The following SYNE1 variants were observed in gnomAD, a reference collection of about 807,000 sequenced individuals.
The protein encoded by SYNE1 is nesprin-1.
In SYNE1, 616 loss-of-function variants were observed where a neutral mutation model predicts 1,111.0. The ratio of observed to expected loss-of-function variants is 0.55; its 90% CI spans 0.52 to 0.59. SYNE1 has a LOEUF of 0.59. Ranked by LOEUF, SYNE1 falls within the 20% of genes least tolerant of loss-of-function variation. The probability of loss-of-function intolerance (pLI) is 0.00; values close to 1 mark genes in which losing one functional copy is unlikely to be tolerated. For missense variants in SYNE1, 10,006 were observed against 10,417.0 expected (o/e 0.96, Z 1.72); for synonymous variants, 3,855 against 3,825.8 (o/e 1.01, Z -0.28).
Position 152,283,965 on chromosome 6 carries a change from A to T in SYNE1, c.18207+13T>A. On this transcript the variant is annotated intron_variant, in intron 96 of 145. Coordinates refer to ENST00000367255, the MANE Select transcript of SYNE1 (RefSeq NM_182961.4). ...CTCAGAAGTGAGGAGGCCACTTTACAGTTATTGGTTACCTCCAAAAGCTGC... is the reference window on the plus strand; with the variant it reads ...CTCAGAAGTGAGGAGGCCACTTTACTGTTATTGGTTACCTCCAAAAGCTGC... The T allele has an allele frequency of 6.2e-7, 1 of 1,610,074 alleles. No individual in the cohort carries two copies. Among genetic ancestry groups the T allele is most frequent in the East Asian group, 2.2e-5 (1 of 44,868 alleles).
intron 75 of SYNE1, among the ~76,000 whole-genome samples, chr6:152,338,829 T>A (rs186822359): frequency 6.6e-6 from 1 of 152,204 alleles, no homozygotes; most frequent in East Asian, 1.9e-4. Context: ...TTGTGACAGA[T>A]GGCATGCTCT....
intron 128 of SYNE1, among the ~76,000 whole-genome samples, chr6:152,187,237 C>T (rs1271075317): frequency 1.3e-5 from 2 of 152,132 alleles, no homozygotes; most frequent in South Asian, 4.2e-4. Context: ...ATGTGTGCTC[C>T]AGAGTTTTCT....
intron 137 of SYNE1, chr6:152,145,442 T>C: frequency 1.9e-6 from 3 of 1,564,686 alleles, no homozygotes; most frequent in Non-Finnish European, 2.6e-6. Flanking sequence ...GGAGGATTGC[T>C]ATACAGGGGA....
At chr6:152,327,179 A>G (rs775480174) in intron 78 of SYNE1, among the ~76,000 whole-genome samples, 5 of 152,146 alleles carry the variant, frequency 3.3e-5, no homozygotes, top group Non-Finnish European at 7.4e-5. Flanking sequence ...TGTAACAGCT[A>G]CTTGGGAGGT....
intron 16 of SYNE1, among the ~76,000 whole-genome samples, chr6:152,468,276 T>C (rs1007164746): frequency 1.3e-5 from 2 of 152,196 alleles, no homozygotes; most frequent in African/African-American, 4.8e-5. Context: ...ATCAAGACTA[T>C]TTACATTAAA....
chr6:152,169,222 C>G (rs1452885855), intron 130 of SYNE1, among the ~76,000 whole-genome samples: 1 of 152,058 alleles, frequency 6.6e-6, no homozygotes, highest in Non-Finnish European at 1.5e-5. Flanking sequence ...TGGTTCTGGT[C>G]ATGTGAGTTG....
intron 3 of SYNE1, chr6:152,546,818 G>A (rs2128094283): frequency 6.6e-6 from 1 of 152,256 alleles, no homozygotes; most frequent in Non-Finnish European, 1.5e-5. Flanking sequence ...TTTGTAGAAA[G>A]AGGTCTTGTA....
intron 117 of SYNE1, 80 bp downstream of exon 117, chr6:152,224,414 G>A: frequency 1.6e-6 from 2 of 1,226,402 alleles, no homozygotes; most frequent in Non-Finnish European, 2.4e-6. Context: ...CAATATTTCA[G>A]GATGATGTCT....
At chr6:152,201,228 T>A (rs2075344437) in intron 127 of SYNE1, among the ~76,000 whole-genome samples, 1 of 152,210 alleles carries the variant, frequency 6.6e-6, no homozygotes. Context: ...CACTGAATTG[T>A]GTTGGTCTCG....
At chr6:152,486,552 G>T (rs2098941603) in intron 12 of SYNE1, among the ~76,000 whole-genome samples, 2 of 152,114 alleles carry the variant, frequency 1.3e-5, no homozygotes, top group Non-Finnish European at 2.9e-5. Context: ...TTGATAATTG[G>T]TGCCAAACCT....
chr6:152,484,058 A>AAAAAAAAAAAAAAAAAAAAC, intron 13 of SYNE1, among the ~76,000 whole-genome samples: 1 of 150,648 alleles, frequency 6.6e-6, no homozygotes, highest in African/African-American at 2.4e-5. Context: ...AAAAAAAAAA[A>AAAAAAAAAAAAAAAAAAAAC]AAAATTAGCC....
intron 55 of SYNE1, among the ~76,000 whole-genome samples, chr6:152,383,500 C>T (rs993295009): frequency 6.6e-6 from 1 of 152,192 alleles, no homozygotes; most frequent in Non-Finnish European, 1.5e-5. Context: ...ATGGCAGCCT[C>T]CTGCTGTACC....
intron 74 of SYNE1, among the ~76,000 whole-genome samples, chr6:152,343,375 T>C (rs490497): frequency 1.3e-5 from 2 of 151,746 alleles, no homozygotes; most frequent in Non-Finnish European, 2.9e-5. Context: ...GCCAGGATGG[T>C]CTTGCACTCT....
At chr6:152,272,812 C>A (rs2093309368) in intron 98 of SYNE1, among the ~76,000 whole-genome samples, 1 of 152,182 alleles carries the variant, frequency 6.6e-6, no homozygotes, top group African/African-American at 2.4e-5. Flanking sequence ...AATTAAAGAG[C>A]ATTAACATTG....
At chr6:152,214,825 G>T in intron 122 of SYNE1, 81 bp downstream of exon 122, 1 of 1,537,938 alleles carries the variant, frequency 6.5e-7, no homozygotes, top group Non-Finnish European at 9.0e-7. Context: ...TATAAATTAT[G>T]CATTCTGTAG....
rs571149389 is a variant in SYNE1 at position 152,387,001 on chromosome 6, T to C, written c.8487+71A>G. 3.8e-5 allele frequency: 50 copies of C among 1,313,276 alleles called. 1 individual carries two copies. In the African/African-American group the frequency reaches 5.6e-4, roughly 15 times the overall value. 81.4% of individuals were successfully genotyped at this position (1,313,276 alleles called of 1,614,324 possible). ...TACCTGACCTTGGCAACAGTCATTA[T>C]ATTATTAATATAAATCAATATATTG... On this transcript the variant is annotated intron_variant, in intron 54 of 145. Transcript: ENST00000367255.
chr6:152,573,408 A>G (rs2099480102), intron 3 of SYNE1, among the ~76,000 whole-genome samples: 1 of 134,096 alleles, frequency 7.5e-6, no homozygotes, highest in Non-Finnish European at 1.5e-5. Flanking sequence ...TTCAATTCCC[A>G]CCTATGAGTG....
In SYNE1 at chr6:152,381,131, C is replaced by A; in HGVS notation, c.8884G>T (p.Val2962Leu). 1.9e-6 allele frequency: 3 copies of A among 1,614,186 alleles called. No homozygotes were observed. Among genetic ancestry groups the A allele is most frequent in the Non-Finnish European group, 2.5e-6 (3 of 1,180,026 alleles). Residue 2962 changes from valine to leucine, a missense_variant, in exon 56 of 146, where the codon GTG becomes TTG. Val to Leu is a conservative substitution (Grantham distance 32). Coordinates refer to ENST00000367255, the MANE Select transcript of SYNE1 (RefSeq NM_182961.4). ...TCCAGGGCCTGCTCCAGTTGAGCCA[C>A]TTGGCCTGAGAATTCCTGCTCCGAA... The part of the protein sequence containing the change: ...ALSEQEFSGQ[V>L]AQLEQALEQF...
intron 10 of SYNE1, among the ~76,000 whole-genome samples, chr6:152,499,200 T>C (rs1464189374): frequency 1.3e-5 from 2 of 152,086 alleles, no homozygotes; most frequent in African/African-American, 4.8e-5. Context: ...CTTAGGGCAG[T>C]CAGGAATGTT....
Sources: gnomAD v4.1 joint callset for allele counts (sites outside exome capture counted in the v4.1 genomes callset) on GRCh38, gnomAD v4.1.1 for gene constraint, MANE v1.5 for transcripts, NCBI Gene and HGNC (gene_info 2026-07-23, HGNC 2026-07-21) for gene names.